Variants in ZNF587 observed in about 807,000 individuals in gnomAD.
ZNF587 encodes the protein zinc finger protein zfp6.
Under a neutral mutation model 7.5 loss-of-function variants are expected in ZNF587, and 8 were observed. That is an observed-to-expected ratio of 1.06 (90% CI 0.62 to 1.92). The LOEUF (loss-of-function observed/expected upper bound fraction) is 1.92. Among genes scored for constraint, ZNF587 ranks in the 40% most tolerant of loss-of-function variants. The pLI is 0.00. For synonymous variants in ZNF587, 145 were observed against 237.8 expected (o/e 0.61, Z 3.59); for missense variants, 468 against 692.8 (o/e 0.68, Z 3.64).
At position 57,862,468 on chromosome 19, in the gene ZNF587, A is replaced by G. The variant is rs1056293107; in HGVS notation, c.*2328A>G. 4 of 153,106 alleles carry G rather than the reference A, an allele frequency of 2.6e-5. No homozygotes were observed. Among genetic ancestry groups the G allele is most frequent in the African/African-American group, 9.6e-5 (4 of 41,556 alleles). The allele number at this position is 153,106 out of a possible 1,614,324, so 9.5% of individuals were successfully genotyped here. ...TGGGTAACGTCATTCATCCACATTA[A>G]CTAATTTCCTCACTCCAAGCTCTTT... On this transcript the variant is annotated 3_prime_UTR_variant, in exon 3 of 3. Transcript: ENST00000339656.
At chr19:57,856,469 G>A (rs1485169758) in intron 2 of ZNF587, among the ~76,000 whole-genome samples, 1 of 150,452 alleles carries the variant, frequency 6.6e-6, no homozygotes, top group African/African-American at 2.5e-5. Context: ...GTACAGCGGC[G>A]CCATCTCGGC....
In ZNF587 at chr19:57,860,349, A is replaced by C; in HGVS notation, c.*209A>C. On this transcript the variant is annotated 3_prime_UTR_variant, in exon 3 of 3. Transcript: ENST00000339656. ...AGTGGTGCAGTCTTGGCTCGCTGCA[A>C]CTTGGGCCTCCTGGGTTCATGCAAT... 1.1e-6 allele frequency: 1 copy of C among 891,568 alleles called. No individual in the cohort carries two copies. The highest frequency in any genetic ancestry group is 1.7e-6 in the Non-Finnish European group (1 of 594,832). 55.2% of individuals were successfully genotyped at this position (891,568 alleles called of 1,614,324 possible).
rs1218405850 is a variant in ZNF587 at position 57,861,580 on chromosome 19, A to C, written c.*1440A>C. 6.6e-6 allele frequency: 1 copy of C among 152,156 alleles called. No individual in the cohort carries two copies. The highest frequency in any genetic ancestry group is 1.5e-5 in the Non-Finnish European group (1 of 68,036). The allele number at this position is 152,156 out of a possible 1,614,324, so 9.4% of individuals were successfully genotyped here. A position where few individuals can be genotyped will look rare whatever the true frequency, so the allele number is the denominator to read the frequency against. Reference sequence around the variant, plus strand: ...CTGGGCTCAGGCGATCCACTTGCCTAGGCTCCAAAAGTGCTTGGTCTACAG... The same window carrying C: ...CTGGGCTCAGGCGATCCACTTGCCTCGGCTCCAAAAGTGCTTGGTCTACAG... On this transcript the variant is annotated 3_prime_UTR_variant, in exon 3 of 3. Transcript: ENST00000339656.
At chr19:57,856,402 C>G (rs2071356493) in intron 2 of ZNF587, among the ~76,000 whole-genome samples, 169 bp downstream of exon 2, 1 of 147,716 alleles carries the variant, frequency 6.8e-6, no homozygotes, top group Non-Finnish European at 1.5e-5. Context: ...TTGCCTTTTC[C>G]TCTCCTGTTT....
Position 57,859,972 on chromosome 19 carries a change from T to C in ZNF587, c.1560T>C (p.Tyr520=), listed in dbSNP as rs138941470. The change falls in exon 3 of 3, where the codon TAT becomes TAC. Residue 520 remains tyrosine (Y), a synonymous_variant. Transcript: ENST00000339656. ...HKRVHSGQKP[Y]KCSECGKSFS... is the part of the protein sequence containing the mutation. ...GAGTTCATTCTGGACAAAAGCCTTATAAGTGCAGTGAATGTGGAAAATCCT... is the reference window on the plus strand; with the variant it reads ...GAGTTCATTCTGGACAAAAGCCTTACAAGTGCAGTGAATGTGGAAAATCCT... The C allele has an allele frequency of 4.2e-5, 68 of 1,613,916 alleles. No individual in the cohort carries two copies. The highest frequency in any genetic ancestry group is 5.7e-5 in the Non-Finnish European group (67 of 1,179,986).
chr19:57,850,225 TG>T (rs776902181), intron 1 of ZNF587, 154 bp downstream of exon 1: 171 of 1,398,800 alleles, frequency 1.2e-4, no homozygotes, highest in Non-Finnish European at 1.5e-4. Context: ...AACCGTCCAG[TG>T]GGTTCACGTT....
intron 1 of ZNF587, chr19:57,854,194 A>G (rs2122318692): frequency 6.6e-6 from 1 of 152,274 alleles, no homozygotes; most frequent in African/African-American, 2.4e-5. Flanking sequence ...TGGTTCACAA[A>G]TCCAGGGGCT....
rs1449239008 is a variant in ZNF587, at chr19:57,849,950, G to A, written c.-89G>A. 3 of 1,611,992 alleles carry A rather than the reference G, an allele frequency of 1.9e-6. No homozygotes were observed. The highest frequency in any genetic ancestry group is 2.5e-6 in the Non-Finnish European group (3 of 1,179,096). ...CCGCGGTGACTGAACCTAGAAGGTG[G>A]AGAGGAATCGTCCTCGGTGCCCAGA... On this transcript the variant is annotated 5_prime_UTR_variant, in exon 1 of 3. Transcript: ENST00000339656.
At chr19:57,855,012 TAA>T (rs979827616) in intron 1 of ZNF587, among the ~76,000 whole-genome samples, 2 of 142,124 alleles carry the variant, frequency 1.4e-5, no homozygotes, top group African/African-American at 2.6e-5. Context: ...CCGTCTCTAC[TAA>T]AAAAAAAAAA....
At position 57,859,097 on chromosome 19, in the gene ZNF587, C is replaced by T; in HGVS notation, c.685C>T (p.Pro229Ser). 2 of 1,610,730 alleles carry T rather than the reference C, an allele frequency of 1.2e-6. No individual in the cohort carries two copies. The highest frequency in any genetic ancestry group is 8.5e-7 in the Non-Finnish European group (1 of 1,179,276). Residue 229 changes from proline (P) to serine (S), a missense_variant, in exon 3 of 3, where the codon CCA (proline) becomes TCA (serine). Physicochemically the swap from Pro to Ser is moderately conservative, Grantham distance 74. Around this residue, in one of 5 missense-constraint regions of ZNF587, gnomAD observed 23 missense variants for 166.4 expected, o/e 0.14. Transcript: ENST00000339656. ...KAFSTKHSVI[P>S]HQKLFTRDGC... ...CTTCAGCACCAAACACTCAGTTATT[C>T]CACACCAGAAACTTTTCACTAGAGA...
Position 57,856,156 on chromosome 19 carries a change from G to T in ZNF587, c.86G>T (p.Trp29Leu). ...GCTGTGAACTTTTCCCAGGAGGAGT[G>T]GTGTCTTCTTAGTGAGGCTCAGAGG... ...DVAVNFSQEE[W>L]CLLSEAQRCL... Residue 29 changes from tryptophan to leucine, a missense_variant, in exon 2 of 3, where the codon TGG (tryptophan) becomes TTG (leucine). Physicochemically the swap from Trp to Leu is moderately conservative, Grantham distance 61. Coordinates refer to ENST00000339656, the MANE Select transcript of ZNF587 (RefSeq NM_032828.4). The T allele has an allele frequency of 6.2e-7, 1 of 1,613,000 alleles. No individual in the cohort carries two copies. Among genetic ancestry groups the T allele is most frequent in the Non-Finnish European group, 8.5e-7 (1 of 1,179,540 alleles).
rs780672692 is a variant in ZNF587 at position 57,859,966 on chromosome 19, G to A, written c.1554G>A (p.Lys518=). The A allele has an allele frequency of 6.2e-7, 1 of 1,613,986 alleles. No individual in the cohort carries two copies. The highest frequency in any genetic ancestry group is 1.7e-5 in the Admixed American group (1 of 59,998). Residue 518 remains lysine (K), a synonymous_variant, in exon 3 of 3, where the codon AAG becomes AAA. Transcript: ENST00000339656. Reference sequence around the variant, plus strand: ...ATAAAAGAGTTCATTCTGGACAAAAGCCTTATAAGTGCAGTGAATGTGGAA... The same window carrying A: ...ATAAAAGAGTTCATTCTGGACAAAAACCTTATAAGTGCAGTGAATGTGGAA... ...HVHKRVHSGQ[K]PYKCSECGKS...
chr19:57,860,905 G>T lies in ZNF587; in HGVS notation c.*765G>T, dbSNP rs9304806. 0.18 allele frequency: 26,984 copies of T among 152,006 alleles called. 4,126 individuals are homozygous for T. Among genetic ancestry groups the T allele is most frequent in the African/African-American group, 0.42 (17,338 of 41,410 alleles). 9.4% of individuals were successfully genotyped at this position (152,006 alleles called of 1,614,324 possible). On this transcript the variant is annotated 3_prime_UTR_variant, in exon 3 of 3. Coordinates refer to ENST00000339656, the MANE Select transcript of ZNF587 (RefSeq NM_032828.4). ...CAGAGTCTCACTCTGTCACCCAGGC[G>T]GGAGTTAGGTGGCATGATTTCGGCT...
At chr19:57,850,332 G>T (rs1231912631) in intron 1 of ZNF587, 2 of 634,466 alleles carry the variant, frequency 3.2e-6, no homozygotes, top group South Asian at 2.1e-5. Flanking sequence ...CGGGAGACAG[G>T]AGTTTTATTA....
intron 1 of ZNF587, among the ~76,000 whole-genome samples, chr19:57,852,941 C>T (rs1394833931): frequency 6.8e-6 from 1 of 146,924 alleles, no homozygotes; most frequent in Non-Finnish European, 1.5e-5. Flanking sequence ...CAACCTTCAC[C>T]TCCTGGGCTC....
In ZNF587 at chr19:57,859,384, T is replaced by G; in HGVS notation, c.972T>G (p.Tyr324Ter). 3 of 1,608,764 alleles carry G rather than the reference T, an allele frequency of 1.9e-6. No homozygotes were observed. The highest frequency in any genetic ancestry group is 2.5e-6 in the Non-Finnish European group (3 of 1,179,682). The change falls in exon 3 of 3, where the codon TAT becomes TAG. Residue 324 changes from tyrosine to a stop codon, truncating the protein, a stop_gained. Transcript: ENST00000339656. LOFTEE classifies it low-confidence loss of function (END_TRUNC). ...TTGTTCACACTGGAGAAGGGCCTTA[T>G]GAGTGTAGAGAATGTGGGAAATCTT... ...HQLVHTGEGP[Y>*]ECRECGKSFG...
chr19:57,851,645 A>T (rs1248840209), intron 1 of ZNF587: 2 of 152,586 alleles, frequency 1.3e-5, no homozygotes, highest in Non-Finnish European at 2.9e-5. Context: ...TGTCAGGAAC[A>T]ACGTGTGAGA....
Position 57,860,557 on chromosome 19 carries a change from T to G in ZNF587, c.*417T>G, listed in dbSNP as rs566609154. The G allele has an allele frequency of 1.2e-5, 3 of 241,648 alleles. No individual in the cohort carries two copies. The Admixed American group carries it at 1.5e-4, about 12-fold the overall frequency. The allele number at this position is 241,648 out of a possible 1,614,324, so 15.0% of individuals were successfully genotyped here. ...TGCTGAAATTACAGGCATGAGCCTC[T>G]GCACCTGGCCTTCATTCTTTTCGTA... On this transcript the variant is annotated 3_prime_UTR_variant, in exon 3 of 3. Transcript: ENST00000339656.
rs553043382 is a variant in ZNF587 at position 57,864,852 on chromosome 19, G to A, written c.*4712G>A. The A allele has an allele frequency of 6.6e-6, 1 of 152,102 alleles. No individual in the cohort carries two copies. Among genetic ancestry groups the A allele is most frequent in the South Asian group, 2.1e-4 (1 of 4,820 alleles). 9.4% of individuals were successfully genotyped at this position (152,102 alleles called of 1,614,324 possible). ...TCAGGGGGAATTAAAGAGCCTTCCTGGAAAATGGAGGTTGCAATCAGCCGA... is the reference window on the plus strand; with the variant it reads ...TCAGGGGGAATTAAAGAGCCTTCCTAGAAAATGGAGGTTGCAATCAGCCGA... On this transcript the variant is annotated 3_prime_UTR_variant, in exon 3 of 3. Transcript: ENST00000339656.
Sources: allele counts gnomAD v4.1 joint callset (sites outside exome capture counted in the v4.1 genomes callset), GRCh38; gene constraint gnomAD v4.1.1; regional missense constraint gnomAD v4.1.1; transcripts MANE v1.5; gene names NCBI Gene and HGNC (gene_info 2026-07-23, HGNC 2026-07-21).